ROR1: variants seen among roughly 807,000 people sequenced by gnomAD.
ROR1 encodes inactive tyrosine-protein kinase transmembrane receptor ROR1.
ROR1 carries 19 observed loss-of-function variants against 78.8 expected under a neutral mutation model. That is an observed-to-expected ratio of 0.24 (90% confidence interval 0.17 to 0.35). The LOEUF is 0.35. Among genes scored for constraint, ROR1 ranks in the 10% least tolerant of loss-of-function variants. ROR1 has a pLI of 1.00. For synonymous variants in ROR1, 386 were observed against 433.6 expected (o/e 0.89, Z 1.36); for missense variants, 917 against 1,177.8 (o/e 0.78, Z 3.24).
intron 5 of ROR1, among the ~76,000 whole-genome samples, chr1:64,139,620 T>G (rs1649235557): frequency 6.6e-6 from 1 of 152,202 alleles, no homozygotes; most frequent in South Asian, 2.1e-4. Context: ...GTAGAAAGTA[T>G]TCCAGCCACA....
chr1:64,033,667 C>A lies in ROR1; in HGVS notation c.164-16024C>A, dbSNP rs369802691. On this transcript the variant is annotated intron_variant, in intron 2 of 8. Coordinates refer to ENST00000371079, the MANE Select transcript of ROR1 (RefSeq NM_005012.4). ...TATATAGTAATAATAATGACAAACC[C>A]TTATATAGAACTTCACTGTGCACCA... is the stretch of plus-strand genomic sequence containing the variant. 1.6e-4 allele frequency among the ~76,000 whole-genome samples: 24 copies of A among 152,202 alleles called. 1 individual carries two copies. The highest frequency in any genetic ancestry group is 4.6e-4 in the African/African-American group (19 of 41,540).
Position 63,944,372 on chromosome 1 carries a change from G to A in ROR1, c.92-64933G>A, listed in dbSNP as rs553299800. 3.9e-4 allele frequency among the ~76,000 whole-genome samples: 59 copies of A among 152,292 alleles called. No individual in the cohort carries two copies. In the South Asian group the frequency reaches 7.9e-3, roughly 20 times the overall value. The stretch of plus-strand genomic sequence containing the variant: ...TCCCAGCTGGTTAAATTTAGGGTGC[G>A]GAAAGAGATCCAATCGGCAGATAAT... On this transcript the variant is annotated intron_variant, in intron 1 of 8. Transcript: ENST00000371079.
At chr1:64,128,167 T>TG (rs1648779873) in intron 4 of ROR1, among the ~76,000 whole-genome samples, 1 of 151,090 alleles carries the variant, frequency 6.6e-6, no homozygotes, top group Non-Finnish European at 1.5e-5. Context: ...ACTAAATGCA[T>TG]GGGGAGGCCA....
intron 1 of ROR1, among the ~76,000 whole-genome samples, chr1:63,838,361 A>AT (rs1347958140): frequency 6.6e-6 from 1 of 151,992 alleles, no homozygotes; most frequent in Non-Finnish European, 1.5e-5. Context: ...TGACAGCTCC[A>AT]TGCCTGTTAT....
At chr1:63,983,946 T>C (rs1646231230) in intron 1 of ROR1, among the ~76,000 whole-genome samples, 1 of 152,134 alleles carries the variant, frequency 6.6e-6, no homozygotes, top group African/African-American at 2.4e-5. Flanking sequence ...TTACAGTGAG[T>C]ACTTACTAAA....
At chr1:63,812,745 T>C (rs1644868075) in intron 1 of ROR1, among the ~76,000 whole-genome samples, 1 of 152,232 alleles carries the variant, frequency 6.6e-6, no homozygotes, top group Non-Finnish European at 1.5e-5. Flanking sequence ...TCTATGAAGC[T>C]TTGTATGTGT....
chr1:63,909,087 C>T lies in ROR1; in HGVS notation c.92-100218C>T, dbSNP rs550577288. Reference sequence around the variant, plus strand: ...CAGGCACTTTTTTGTGAAGTTGTGACAGCTTAGTAACTAATGCACCACTCT... The same window carrying T: ...CAGGCACTTTTTTGTGAAGTTGTGATAGCTTAGTAACTAATGCACCACTCT... On this transcript the variant is annotated intron_variant, in intron 1 of 8. Coordinates refer to ENST00000371079, the MANE Select transcript of ROR1 (RefSeq NM_005012.4). Among the ~76,000 whole-genome samples the T allele has an allele frequency of 6.6e-5, 10 of 152,292 alleles. No individual in the cohort carries two copies. In the East Asian group the frequency reaches 1.9e-3, roughly 29 times the overall value.
At chr1:64,153,171 A>G (rs1313162519) in intron 7 of ROR1, among the ~76,000 whole-genome samples, 1 of 152,228 alleles carries the variant, frequency 6.6e-6, no homozygotes, top group Non-Finnish European at 1.5e-5. Flanking sequence ...ATATGAAAAG[A>G]TGTTCAATAT....
chr1:64,170,971 C>T (rs1278655490), intron 8 of ROR1, among the ~76,000 whole-genome samples: 2 of 152,154 alleles, frequency 1.3e-5, no homozygotes, highest in Non-Finnish European at 2.9e-5. Context: ...TGGTCAAAGC[C>T]ATTCAACAAG....
At chr1:64,122,779 A>C (rs1405608735) in intron 4 of ROR1, among the ~76,000 whole-genome samples, 1 of 152,152 alleles carries the variant, frequency 6.6e-6, no homozygotes, top group Non-Finnish European at 1.5e-5. Context: ...TAGCTCCTTC[A>C]ATGATTCCTC....
intron 2 of ROR1, among the ~76,000 whole-genome samples, chr1:64,046,091 G>C (rs1390812899): frequency 1.3e-5 from 2 of 152,192 alleles, no homozygotes; most frequent in Non-Finnish European, 2.9e-5. Context: ...CTGTCATCCA[G>C]TTGTTCTGCA....
chr1:63,796,892 G>A (rs1557501162), intron 1 of ROR1, among the ~76,000 whole-genome samples: 1 of 152,006 alleles, frequency 6.6e-6, no homozygotes, highest in African/African-American at 2.4e-5. Flanking sequence ...TCATTGCAAG[G>A]GTTTTGAGAA....
At chr1:63,960,801 T>C (rs969267119) in intron 1 of ROR1, among the ~76,000 whole-genome samples, 4 of 152,218 alleles carry the variant, frequency 2.6e-5, no homozygotes, top group Admixed American at 2.0e-4. Flanking sequence ...GATTAGGTTT[T>C]TGAGGAGAAA....
chr1:63,946,726 C>A (rs1227676519), intron 1 of ROR1, among the ~76,000 whole-genome samples: 1 of 152,178 alleles, frequency 6.6e-6, no homozygotes, highest in African/African-American at 2.4e-5. Flanking sequence ...TGGCCTCTTT[C>A]TTCTACATCC....
chr1:64,123,216 A>G (rs1005617402), intron 4 of ROR1, among the ~76,000 whole-genome samples: 2 of 152,324 alleles, frequency 1.3e-5, no homozygotes. Flanking sequence ...GGCTACCTCT[A>G]TGTCTCTGCA....
In ROR1 at chr1:64,178,000, G is replaced by A; in HGVS notation, c.1959G>A (p.Leu653=). Residue 653 remains leucine (L), a synonymous_variant, in exon 9 of 9, where the codon TTG becomes TTA. Transcript: ENST00000371079. The part of the protein sequence containing the change: ...ADYYRVQSKS[L]LPIRWMPPEA... ...ACTACAGGGTCCAGAGTAAGTCCTT[G>A]CTGCCCATTCGCTGGATGCCCCCTG... 1 of 1,614,216 alleles carries A rather than the reference G, an allele frequency of 6.2e-7. No individual in the cohort carries two copies. Among genetic ancestry groups the A allele is most frequent in the Non-Finnish European group, 8.5e-7 (1 of 1,180,034 alleles).
chr1:63,862,422 A>G (rs971795268), intron 1 of ROR1, among the ~76,000 whole-genome samples: 1 of 149,842 alleles, frequency 6.7e-6, no homozygotes, highest in Non-Finnish European at 1.5e-5. Flanking sequence ...AAAGAAATAC[A>G]TTTTGTTTTA....
intron 4 of ROR1, among the ~76,000 whole-genome samples, chr1:64,116,573 A>G (rs1648322906): frequency 6.6e-6 from 1 of 152,226 alleles, no homozygotes; most frequent in African/African-American, 2.4e-5. Context: ...CAACTAACAT[A>G]AGAAGGAATC....
At position 64,165,129 on chromosome 1, in the gene ROR1, A is replaced by T. The variant is rs543238066; in HGVS notation, c.1386+5937A>T. Among the ~76,000 whole-genome samples the T allele has an allele frequency of 2.0e-5, 3 of 152,318 alleles. No individual in the cohort carries two copies. In the South Asian group the frequency reaches 6.2e-4, roughly 32 times the overall value. ...CTTTGGGTATATACCCAGGATTTAA[A>T]TTGCTAGGTCAAATGCTATTTCTGT... On this transcript the variant is annotated intron_variant, in intron 8 of 8. Coordinates refer to ENST00000371079, the MANE Select transcript of ROR1 (RefSeq NM_005012.4).
Sources: gnomAD v4.1 joint callset for allele counts (sites outside exome capture counted in the v4.1 genomes callset) on GRCh38, gnomAD v4.1.1 for gene constraint, MANE v1.5 for transcripts, NCBI Gene and HGNC (gene_info 2026-07-23, HGNC 2026-07-21) for gene names.